C1orf21: variants seen among roughly 807,000 people sequenced by gnomAD.
C1orf21 encodes the protein uncharacterized protein C1orf21.
C1orf21 carries 3 observed loss-of-function variants against 18.7 expected under a neutral mutation model. The observed-to-expected ratio is 0.16, with a 90% CI of 0.07 to 0.42. C1orf21 has a LOEUF of 0.42. Ranked by LOEUF, C1orf21 falls within the 10% of genes least tolerant of loss-of-function variation. C1orf21 has a pLI of 0.99. For missense variants in C1orf21, 104 were observed against 143.6 expected, an observed-to-expected ratio of 0.72 and a Z score of 1.41; for synonymous variants, 41 against 46.4, an observed-to-expected ratio of 0.88 and a Z score of 0.47.
Position 184,477,413 on chromosome 1 carries a change from C to A in C1orf21, c.-97C>A. 1.0e-6 allele frequency: 1 copy of A among 958,264 alleles called. No homozygotes were observed. Among genetic ancestry groups the A allele is most frequent in the Non-Finnish European group, 1.6e-6 (1 of 631,698 alleles). The allele number at this position is 958,264 out of a possible 1,614,324, so 59.4% of individuals were successfully genotyped here. ...GCACACATCTTGACCAACTCAGCAG[C>A]AAGGTGGATTTTCTTTGTGTTTAAA... On this transcript the variant is annotated 5_prime_UTR_variant, in exon 2 of 6. Transcript: ENST00000235307.
chr1:184,572,164 G>A (rs1244220514), intron 3 of C1orf21, among the ~76,000 whole-genome samples: 2 of 152,160 alleles, frequency 1.3e-5, no homozygotes, highest in African/African-American at 4.8e-5. Flanking sequence ...ATGATTACAA[G>A]AGACCATAAG....
chr1:184,538,056 G>A (rs72737708), intron 3 of C1orf21, among the ~76,000 whole-genome samples: 11,504 of 152,150 alleles, frequency 0.076, 578 homozygotes, highest in Non-Finnish European at 0.12. Context: ...TTCCACAGTC[G>A]CTGTAACTTT....
chr1:184,419,035 T>C (rs756146403), intron 1 of C1orf21, among the ~76,000 whole-genome samples: 1 of 152,206 alleles, frequency 6.6e-6, no homozygotes, highest in Non-Finnish European at 1.5e-5. Context: ...CCATAATATG[T>C]CCAAGGGGTC....
intron 5 of C1orf21, among the ~76,000 whole-genome samples, chr1:184,603,893 G>A (rs1659617377): frequency 6.6e-6 from 1 of 152,246 alleles, no homozygotes. Flanking sequence ...TGGAGTTCTT[G>A]AAGTGGCATT....
chr1:184,402,538 G>A (rs933757799), intron 1 of C1orf21, among the ~76,000 whole-genome samples: 11 of 151,546 alleles, frequency 7.3e-5, no homozygotes, highest in Non-Finnish European at 1.6e-4. Context: ...GTGGGAGGAT[G>A]GCTTGAACCC....
intron 1 of C1orf21, among the ~76,000 whole-genome samples, chr1:184,424,694 A>G (rs1656603941): frequency 6.6e-6 from 1 of 152,154 alleles, no homozygotes; most frequent in Admixed American, 6.6e-5. Flanking sequence ...TAGTATGCTA[A>G]TACTAAGATA....
intron 1 of C1orf21, among the ~76,000 whole-genome samples, chr1:184,402,882 A>C (rs1656186125): frequency 6.6e-6 from 1 of 152,350 alleles, no homozygotes; most frequent in Non-Finnish European, 1.5e-5. Context: ...GGCACAGGGC[A>C]AAGGAAAGAA....
chr1:184,478,143 G>A (rs907434445), intron 2 of C1orf21, among the ~76,000 whole-genome samples: 1 of 152,164 alleles, frequency 6.6e-6, no homozygotes, highest in African/African-American at 2.4e-5. Flanking sequence ...GCCATGGGGT[G>A]TCCTAGTAGA....
chr1:184,416,395 ATTAAT>A lies in C1orf21; in HGVS notation c.-125+29046_-125+29050del, dbSNP rs142576867. Among the ~76,000 whole-genome samples, 9 of 152,130 alleles carry A rather than the reference ATTAAT, an allele frequency of 5.9e-5. No homozygotes were observed. In the East Asian group the frequency reaches 1.3e-3, roughly 23 times the overall value. ...TGTTAGAAGGCAGTTGACAGAAATC[ATTAAT>A]TTAATTTAATTTAATTTATTATATA... is the stretch of plus-strand genomic sequence containing the variant. On this transcript the variant is annotated intron_variant, in intron 1 of 5. Transcript: ENST00000235307.
chr1:184,561,271 CCCT>C (rs1039398383), intron 3 of C1orf21, among the ~76,000 whole-genome samples: 1 of 152,144 alleles, frequency 6.6e-6, no homozygotes, highest in Non-Finnish European at 1.5e-5. Flanking sequence ...GTGTACAGCT[CCCT>C]CCTCCTCCTA....
At chr1:184,497,902 G>A (rs990805771) in intron 2 of C1orf21, among the ~76,000 whole-genome samples, 1 of 152,046 alleles carries the variant, frequency 6.6e-6, no homozygotes, top group Non-Finnish European at 1.5e-5. Flanking sequence ...TCTGAAGCCT[G>A]CCCCTCCAAG....
chr1:184,429,080 T>G (rs1028409782), intron 1 of C1orf21, among the ~76,000 whole-genome samples: 18 of 152,200 alleles, frequency 1.2e-4, no homozygotes, highest in African/African-American at 4.1e-4. Context: ...ACTCATTCAT[T>G]CACCAAGCAT....
rs1302855360 is a variant in C1orf21 at position 184,410,643 on chromosome 1, ATATATATATATATATATATATTT to A, written c.-125+23277_-125+23299del. Among the ~76,000 whole-genome samples the A allele has an allele frequency of 2.4e-3, 12 of 4,978 alleles. 3 individuals are homozygous for A. The highest frequency in any genetic ancestry group is 3.4e-3 in the Non-Finnish European group (11 of 3,232). 3.3% of individuals were successfully genotyped at this position (4,978 alleles called of 152,430 possible). A position where few individuals can be genotyped will look rare whatever the true frequency, so the allele number is the denominator to read the frequency against. On this transcript the variant is annotated intron_variant, in intron 1 of 5. Transcript: ENST00000235307. ...TATATATATATATATATATATATAT[ATATATATATATATATATATATTT>A]TTTTTTTTTTTTTTTGAGATGGAGT...
intron 5 of C1orf21, among the ~76,000 whole-genome samples, chr1:184,602,395 A>G (rs1016415778): frequency 3.3e-5 from 5 of 152,262 alleles, no homozygotes; most frequent in Non-Finnish European, 5.9e-5. Context: ...TTTGGAGAGT[A>G]AAAACACTGT....
chr1:184,557,591 T>A (rs1306283818), intron 3 of C1orf21, among the ~76,000 whole-genome samples: 1 of 152,242 alleles, frequency 6.6e-6, no homozygotes, highest in African/African-American at 2.4e-5. Context: ...CATTCCTTTT[T>A]ATGGCTGAAT....
At chr1:184,507,394 TAGAC>T (rs1408064587) in intron 2 of C1orf21, among the ~76,000 whole-genome samples, 190 bp from the exon 3 acceptor site, 1 of 152,112 alleles carries the variant, frequency 6.6e-6, no homozygotes, top group Non-Finnish European at 1.5e-5. Context: ...CTTTTTCTAG[TAGAC>T]AGAGGAGAGG....
chr1:184,404,495 A>G (rs1262102114), intron 1 of C1orf21, among the ~76,000 whole-genome samples: 5 of 152,178 alleles, frequency 3.3e-5, no homozygotes, highest in African/African-American at 7.2e-5. Context: ...GGAAAGCAGA[A>G]GAGCCGAGAG....
intron 1 of C1orf21, among the ~76,000 whole-genome samples, chr1:184,441,890 C>T (rs968082710): frequency 3.9e-5 from 6 of 152,076 alleles, no homozygotes; most frequent in African/African-American, 1.4e-4. Flanking sequence ...TATTGATGTT[C>T]GTAGGGCTTG....
chr1:184,431,275 A>G (rs1364244053), intron 1 of C1orf21, among the ~76,000 whole-genome samples: 1 of 152,240 alleles, frequency 6.6e-6, no homozygotes, highest in Non-Finnish European at 1.5e-5. Flanking sequence ...ACAGATATAT[A>G]GGCCAATGGA....
Sources: allele counts gnomAD v4.1 joint callset (sites outside exome capture counted in the v4.1 genomes callset), GRCh38; gene constraint gnomAD v4.1.1; transcripts MANE v1.5; gene names NCBI Gene and HGNC (gene_info 2026-07-23, HGNC 2026-07-21).